Variants in CAMTA1 observed in about 807,000 individuals in gnomAD.
CAMTA1 encodes the protein calmodulin binding transcription activator 1.
A neutral mutation model predicts 170.9 loss-of-function variants in CAMTA1; 27 were observed. That is an observed-to-expected ratio of 0.16 (90% CI 0.12 to 0.22). The LOEUF is 0.22. Among genes scored for constraint, CAMTA1 ranks in the 10% least tolerant of loss-of-function variants. The probability of loss-of-function intolerance (pLI) is 1.00; values close to 1 mark genes in which losing one functional copy is unlikely to be tolerated. For synonymous variants in CAMTA1, 833 were observed against 891.5 expected, an observed-to-expected ratio of 0.93 and a Z score of 1.17; for missense variants, 1,619 against 2,217.2, an observed-to-expected ratio of 0.73 and a Z score of 5.42.
intron 3 of CAMTA1, among the ~76,000 whole-genome samples, chr1:6,999,218 A>T (rs192124227): frequency 2.9e-4 from 44 of 152,222 alleles, no homozygotes; most frequent in African/African-American, 9.2e-4. Flanking sequence ...CTGCTTCCTG[A>T]TATAAACATA....
chr1:7,121,292 G>A (rs781748539), intron 4 of CAMTA1, among the ~76,000 whole-genome samples: 6 of 152,352 alleles, frequency 3.9e-5, no homozygotes, highest in Middle Eastern at 3.4e-3. Context: ...GAAAGGCCCC[G>A]TGGGATCCCA....
intron 3 of CAMTA1, among the ~76,000 whole-genome samples, chr1:6,839,938 C>T (rs1220683129): frequency 6.6e-6 from 1 of 152,198 alleles, no homozygotes; most frequent in African/African-American, 2.4e-5. Context: ...CAGTGGCTCA[C>T]GCCTGTAATC....
At chr1:7,644,991 G>A (rs970968837) in intron 7 of CAMTA1, among the ~76,000 whole-genome samples, 19 of 152,220 alleles carry the variant, frequency 1.2e-4, no homozygotes, top group Non-Finnish European at 2.4e-4. Flanking sequence ...TTTACAGTAC[G>A]CAAGTGATCT....
At chr1:6,959,431 C>A (rs2149512874) in intron 3 of CAMTA1, among the ~76,000 whole-genome samples, 1 of 152,300 alleles carries the variant, frequency 6.6e-6, no homozygotes, top group Admixed American at 6.5e-5. Flanking sequence ...TTGCTCAGAG[C>A]AGGCCCAGGG....
At chr1:7,484,585 C>G (rs988445807) in intron 6 of CAMTA1, among the ~76,000 whole-genome samples, 2 of 152,152 alleles carry the variant, frequency 1.3e-5, no homozygotes, top group Non-Finnish European at 2.9e-5. Context: ...GTCAGGAGAT[C>G]AAGACCATCC....
At position 7,617,426 on chromosome 1, in the gene CAMTA1, G is replaced by A. The variant is rs940739726; in HGVS notation, c.511-22974G>A. 5.9e-5 allele frequency among the ~76,000 whole-genome samples: 9 copies of A among 152,174 alleles called. No homozygotes were observed. In the South Asian group the frequency reaches 6.2e-4, roughly 11 times the overall value. ...GACAACCCTCTGCCTGAAATGGCTC[G>A]AGGCAATTCTTCCTGGAACCAAGGG... On this transcript the variant is annotated intron_variant, in intron 6 of 22. Coordinates refer to ENST00000303635, the MANE Select transcript of CAMTA1 (RefSeq NM_015215.4).
intron 3 of CAMTA1, among the ~76,000 whole-genome samples, chr1:6,964,900 C>T (rs923116145): frequency 2.6e-5 from 4 of 152,172 alleles, no homozygotes; most frequent in Admixed American, 6.5e-5. Context: ...TGTCTTCCAC[C>T]GTGTCTTTTT....
chr1:7,611,861 T>G (rs1449799943), intron 6 of CAMTA1, among the ~76,000 whole-genome samples: 7 of 152,154 alleles, frequency 4.6e-5, no homozygotes, highest in Non-Finnish European at 1.0e-4. Context: ...ACCTGAGAGG[T>G]GCTGACCTGA....
chr1:6,873,212 G>C (rs553571730), intron 3 of CAMTA1, among the ~76,000 whole-genome samples: 8 of 151,426 alleles, frequency 5.3e-5, no homozygotes, highest in African/African-American at 1.7e-4. Context: ...TGTCCCAGTA[G>C]TCAGGAGCAA....
At chr1:6,976,867 G>A (rs994082035) in intron 3 of CAMTA1, among the ~76,000 whole-genome samples, 2 of 152,116 alleles carry the variant, frequency 1.3e-5, no homozygotes, top group African/African-American at 2.4e-5. Flanking sequence ...CCATGGGGAC[G>A]GGTCTTTCCC....
intron 5 of CAMTA1, among the ~76,000 whole-genome samples, chr1:7,454,879 C>T (rs1359955890): frequency 1.3e-5 from 2 of 152,140 alleles, no homozygotes; most frequent in Admixed American, 1.3e-4. Context: ...CACAGTGCAG[C>T]CCTTCTTTCT....
chr1:7,125,358 C>T (rs1348812018), intron 4 of CAMTA1, among the ~76,000 whole-genome samples: 2 of 152,140 alleles, frequency 1.3e-5, no homozygotes, highest in Admixed American at 6.5e-5. Flanking sequence ...CTCCTGTGTC[C>T]CAGATGCCAT....
chr1:7,621,717 T>G (rs1464806691), intron 6 of CAMTA1, among the ~76,000 whole-genome samples: 1 of 152,210 alleles, frequency 6.6e-6, no homozygotes, highest in Non-Finnish European at 1.5e-5. Flanking sequence ...GTGCTCGCCC[T>G]TCTGGAAGTT....
At chr1:6,985,776 C>T (rs564541012) in intron 3 of CAMTA1, among the ~76,000 whole-genome samples, 11 of 152,278 alleles carry the variant, frequency 7.2e-5, no homozygotes, top group Admixed American at 4.6e-4. Flanking sequence ...AGCCTTCAGA[C>T]GTGAACTACA....
At chr1:7,515,764 T>C (rs1170682372) in intron 6 of CAMTA1, among the ~76,000 whole-genome samples, 1 of 152,212 alleles carries the variant, frequency 6.6e-6, no homozygotes, top group Non-Finnish European at 1.5e-5. Context: ...GGTTTCACTT[T>C]TTCCCAGGAT....
intron 1 of CAMTA1, among the ~76,000 whole-genome samples, chr1:6,793,897 A>G (rs2148079107): frequency 6.6e-6 from 1 of 152,322 alleles, no homozygotes; most frequent in Non-Finnish European, 1.5e-5. Flanking sequence ...ATTTCTGAGG[A>G]TATATGTGCC....
chr1:7,411,613 C>T (rs10779684), intron 5 of CAMTA1, among the ~76,000 whole-genome samples: 138,160 of 150,754 alleles, frequency 0.92, 63,388 homozygotes, highest in East Asian at 0.99. Flanking sequence ...TTCAGAAGAC[C>T]GAGGACACCC....
At chr1:7,731,408 C>T (rs1315218604) in intron 11 of CAMTA1, among the ~76,000 whole-genome samples, 2 of 151,984 alleles carry the variant, frequency 1.3e-5, no homozygotes, top group East Asian at 3.9e-4. Context: ...CCCGCCTCTA[C>T]TAAAAATACA....
At chr1:7,206,332 T>G (rs1657731225) in intron 4 of CAMTA1, among the ~76,000 whole-genome samples, 1 of 152,220 alleles carries the variant, frequency 6.6e-6, no homozygotes, top group Non-Finnish European at 1.5e-5. Flanking sequence ...TGAGGAATAC[T>G]TTTGTGTTAT....
Sources: gnomAD v4.1 joint callset for allele counts (sites outside exome capture counted in the v4.1 genomes callset) on GRCh38, gnomAD v4.1.1 for gene constraint, MANE v1.5 for transcripts, NCBI Gene and HGNC (gene_info 2026-07-23, HGNC 2026-07-21) for gene names.